Variants in SHANK2 observed in about 807,000 individuals in gnomAD.
SHANK2 encodes SH3 and multiple ankyrin repeat domains protein 2.
A neutral mutation model predicts 133.7 loss-of-function variants in SHANK2; 43 were observed. The observed-to-expected ratio is 0.32, with a 90% confidence interval of 0.25 to 0.41. SHANK2 has a LOEUF of 0.41. Ranked by LOEUF, SHANK2 falls within the 10% of genes least tolerant of loss-of-function variation. The pLI, the probability that SHANK2 is intolerant of heterozygous loss-of-function variation, is 1.00. For missense variants in SHANK2, 1,994 were observed against 2,235.8 expected, an observed-to-expected ratio of 0.89 and a Z score of 2.18; for synonymous variants, 1,017 against 952.8, an observed-to-expected ratio of 1.07 and a Z score of -1.24.
intron 15 of SHANK2, among the ~76,000 whole-genome samples, chr11:70,662,447 C>T (rs1944579448): frequency 6.6e-6 from 1 of 152,108 alleles, no homozygotes; most frequent in Non-Finnish European, 1.5e-5. Context: ...GGGGCTCTCT[C>T]TGCATCCCCC....
At chr11:70,541,781 T>C (rs1207629532) in intron 17 of SHANK2, among the ~76,000 whole-genome samples, 1 of 152,244 alleles carries the variant, frequency 6.6e-6, no homozygotes, top group African/African-American at 2.4e-5. Context: ...CTATACATCC[T>C]ACAAAGCACA....
chr11:71,085,607 A>T (rs1951374078), intron 8 of SHANK2, among the ~76,000 whole-genome samples: 1 of 84,108 alleles, frequency 1.2e-5, no homozygotes, highest in Non-Finnish European at 2.1e-5. Flanking sequence ...TATATATTAA[A>T]TATATATTAT....
At chr11:70,942,253 A>ATGTGGTGT in intron 10 of SHANK2, among the ~76,000 whole-genome samples, 1 of 152,316 alleles carries the variant, frequency 6.6e-6, no homozygotes, top group East Asian at 1.9e-4. Flanking sequence ...GGGAAGTTCA[A>ATGTGGTGT]GGGCATCGCC....
At chr11:70,829,784 C>T (rs1370052115) in intron 11 of SHANK2, among the ~76,000 whole-genome samples, 11 of 152,206 alleles carry the variant, frequency 7.2e-5, no homozygotes, top group African/African-American at 2.2e-4. Context: ...AGATCAGGAG[C>T]GGTGGTGGCT....
At chr11:70,592,500 C>T (rs6592639) in intron 17 of SHANK2, among the ~76,000 whole-genome samples, 49,884 of 151,494 alleles carry the variant, frequency 0.33, 9,336 homozygotes, top group African/African-American at 0.52. Context: ...CCAGCACACC[C>T]CCTCCAGCCA....
chr11:71,187,561 T>C (rs1555114671), intron 2 of SHANK2, among the ~76,000 whole-genome samples: 8 of 152,208 alleles, frequency 5.3e-5, no homozygotes. Flanking sequence ...TTCAGCACAG[T>C]TCATGGGTTT....
intron 1 of SHANK2, among the ~76,000 whole-genome samples, chr11:71,243,196 G>T (rs534276759): frequency 2.0e-5 from 3 of 152,322 alleles, no homozygotes. Context: ...CTAGCAGAAG[G>T]AAGGAAATAA....
chr11:70,498,751 A>G (rs1195696519), intron 21 of SHANK2, among the ~76,000 whole-genome samples: 1 of 152,176 alleles, frequency 6.6e-6, no homozygotes, highest in Admixed American at 6.5e-5. Context: ...GCTTAAAACA[A>G]TGGAAACGTA....
chr11:70,488,497 G>A (rs143614687), intron 24 of SHANK2, among the ~76,000 whole-genome samples: 1 of 152,162 alleles, frequency 6.6e-6, no homozygotes, highest in Non-Finnish European at 1.5e-5. Flanking sequence ...ATGTGTCCTC[G>A]AGCTCTCTGG....
At chr11:70,587,675 C>A (rs1380979350) in intron 17 of SHANK2, among the ~76,000 whole-genome samples, 1 of 149,532 alleles carries the variant, frequency 6.7e-6, no homozygotes, top group Admixed American at 6.7e-5. Context: ...AGGTTTATGG[C>A]AACCCATTGT....
At chr11:71,118,519 C>T (rs1340546245) in intron 4 of SHANK2, among the ~76,000 whole-genome samples, 1 of 152,108 alleles carries the variant, frequency 6.6e-6, no homozygotes, top group African/African-American at 2.4e-5. Context: ...CATCAGATCT[C>T]GTGAGACCTC....
At chr11:71,064,027 A>T (rs943092644) in intron 9 of SHANK2, among the ~76,000 whole-genome samples, 10 of 151,494 alleles carry the variant, frequency 6.6e-5, no homozygotes, top group Admixed American at 5.3e-4. Context: ...TTCCATTTAC[A>T]TATGAAGACC....
chr11:71,211,542 AAAAATAAAT>A (rs1188492200), intron 2 of SHANK2, among the ~76,000 whole-genome samples: 1 of 152,050 alleles, frequency 6.6e-6, no homozygotes, highest in Non-Finnish European at 1.5e-5. Context: ...TGTCTCAAAA[AAAAATAAAT>A]AAATACAATA....
At chr11:70,758,951 G>A (rs1263655638) in intron 14 of SHANK2, among the ~76,000 whole-genome samples, 2 of 146,040 alleles carry the variant, frequency 1.4e-5, no homozygotes, top group African/African-American at 5.1e-5. Context: ...ACGAGGTCAA[G>A]AGATCAAGAC....
At chr11:70,768,842 G>C (rs1947182513) in intron 14 of SHANK2, among the ~76,000 whole-genome samples, 1 of 152,058 alleles carries the variant, frequency 6.6e-6, no homozygotes, top group African/African-American at 2.4e-5. Context: ...TGGCTTCCAA[G>C]GTTCTCACCC....
intron 17 of SHANK2, among the ~76,000 whole-genome samples, chr11:70,600,244 C>T (rs1049553146): frequency 6.6e-6 from 1 of 151,454 alleles, no homozygotes; most frequent in Non-Finnish European, 1.5e-5. Flanking sequence ...CATGGCGAAA[C>T]CCTGTCTCTA....
intron 11 of SHANK2, among the ~76,000 whole-genome samples, chr11:70,829,066 G>A (rs79792601): frequency 0.07 from 10,596 of 152,254 alleles, 424 homozygotes; most frequent in Middle Eastern, 0.18. Context: ...CTGCCTTGCC[G>A]GCCACGGAAG....
intron 17 of SHANK2, among the ~76,000 whole-genome samples, chr11:70,647,857 G>T (rs1224196768): frequency 6.6e-6 from 1 of 152,208 alleles, no homozygotes; most frequent in Non-Finnish European, 1.5e-5. Flanking sequence ...GGACTCTGGG[G>T]TGTGCATCAG....
intron 17 of SHANK2, among the ~76,000 whole-genome samples, chr11:70,548,335 AT>A (rs1301550971): frequency 1.3e-5 from 2 of 152,238 alleles, no homozygotes; most frequent in African/African-American, 4.8e-5. Flanking sequence ...GGATGGCTGG[AT>A]TTCCCTTCCT....
Sources: gnomAD v4.1 joint callset for allele counts (sites outside exome capture counted in the v4.1 genomes callset) on GRCh38, gnomAD v4.1.1 for gene constraint, MANE v1.5 for transcripts, NCBI Gene and HGNC (gene_info 2026-07-23, HGNC 2026-07-21) for gene names.